TGFBI: variants seen among roughly 807,000 people sequenced by gnomAD.
The protein encoded by TGFBI is transforming growth factor-beta-induced protein ig-h3.
TGFBI carries 50 observed loss-of-function variants against 73.7 expected under a neutral mutation model. The ratio of observed to expected loss-of-function variants is 0.68; its 90% CI spans 0.54 to 0.86. The LOEUF is 0.86. TGFBI is among the 40% of genes least tolerant of loss of function. The pLI is 0.00. For synonymous variants in TGFBI, 362 were observed against 360.5 expected (o/e 1.00, Z -0.05); for missense variants, 839 against 877.0 (o/e 0.96, Z 0.55).
chr5:136,044,462 G>A (rs1268082162), intron 3 of TGFBI, among the ~76,000 whole-genome samples: 1 of 152,232 alleles, frequency 6.6e-6, no homozygotes. Flanking sequence ...ACATCCAGCA[G>A]GGTCAGCCTG....
At chr5:136,044,239 G>A (rs1040819737) in intron 3 of TGFBI, 117 bp downstream of exon 3, 4 of 869,332 alleles carry the variant, frequency 4.6e-6, no homozygotes, top group South Asian at 3.0e-5. Flanking sequence ...CAAGGACATG[G>A]CATTCTCCCC....
intron 2 of TGFBI, among the ~76,000 whole-genome samples, chr5:136,042,964 T>C (rs1751365140): frequency 6.6e-6 from 1 of 152,232 alleles, no homozygotes; most frequent in African/African-American, 2.4e-5. Flanking sequence ...GGCCTGTTTC[T>C]TTCCTGGTGA....
intron 7 of TGFBI, among the ~76,000 whole-genome samples, chr5:136,051,606 G>A (rs1751537666): frequency 6.6e-6 from 1 of 152,210 alleles, no homozygotes; most frequent in Non-Finnish European, 1.5e-5. Flanking sequence ...GGAAGGAAGA[G>A]GTCCTTGCCC....
chr5:136,031,511 G>A (rs1257312581), intron 1 of TGFBI, among the ~76,000 whole-genome samples: 1 of 152,226 alleles, frequency 6.6e-6, no homozygotes, highest in East Asian at 1.9e-4. Context: ...CCATTTTACA[G>A]GAGGTGAAAC....
At chr5:136,048,396 T>A (rs2126910270) in intron 6 of TGFBI, 1 of 152,436 alleles carries the variant, frequency 6.6e-6, no homozygotes, top group South Asian at 2.1e-4. Flanking sequence ...TTTGCCGATC[T>A]TTCCTTCTTA....
At chr5:136,051,034 G>A (rs949863989) in intron 7 of TGFBI, among the ~76,000 whole-genome samples, 6 of 152,170 alleles carry the variant, frequency 3.9e-5, no homozygotes, top group African/African-American at 1.2e-4. Flanking sequence ...GGGGAATGAG[G>A]GCGGGCATTG....
rs771371313 is a variant in TGFBI at position 136,062,673 on chromosome 5, G to A, written c.1997G>A (p.Arg666Lys). The A allele has an allele frequency of 1.3e-6, 2 of 1,567,834 alleles. No individual in the cohort carries two copies. Among genetic ancestry groups the A allele is most frequent in the East Asian group, 2.3e-5 (1 of 42,854 alleles). ...QASAFSRASQ[R>K]SVRLAPVYQK... is the part of the protein sequence containing the mutation. ...TGTGTTTTCTTTCAGGCTTCCCAGA[G>A]GTCTGTGCGACTAGGTGAGTCTGGT... Residue 666 changes from arginine to lysine, a missense_variant, in exon 16 of 17, where the codon AGG (arginine) becomes AAG (lysine). Transcript: ENST00000442011.
chr5:136,052,883 G>T (rs1165332239), intron 7 of TGFBI, 24 bp from the exon 8 acceptor site: 1 of 1,609,978 alleles, frequency 6.2e-7, no homozygotes, highest in South Asian at 1.1e-5. Flanking sequence ...ACCCTGACTT[G>T]ACCTGAGTCT....
intron 2 of TGFBI, among the ~76,000 whole-genome samples, chr5:136,043,632 A>G (rs1265671607): frequency 1.3e-5 from 2 of 152,226 alleles, no homozygotes; most frequent in Non-Finnish European, 2.9e-5. Flanking sequence ...TTGGCTGAGG[A>G]TGGCCCAGCT....
intron 6 of TGFBI, chr5:136,047,765 A>G (rs1751457556): frequency 4.2e-6 from 1 of 240,168 alleles, no homozygotes; most frequent in Admixed American, 5.0e-5. Flanking sequence ...TAAATGGCCT[A>G]TCAGGCTGTG....
chr5:136,047,613 T>C, intron 6 of TGFBI, 193 bp downstream of exon 6: 1 of 682,462 alleles, frequency 1.5e-6, no homozygotes, highest in Middle Eastern at 4.2e-4. Context: ...TGTGAAATTC[T>C]CCATCTTCTT....
intron 11 of TGFBI, 156 bp from the exon 12 acceptor site, chr5:136,056,509 T>A: frequency 1.2e-6 from 1 of 851,390 alleles, no homozygotes; most frequent in Non-Finnish European, 1.8e-6. Context: ...TCTTTGTGCA[T>A]ACGGAGGGCA....
chr5:136,053,786 C>T (rs1243544417), intron 8 of TGFBI, among the ~76,000 whole-genome samples, 157 bp from the exon 9 acceptor site: 2 of 152,212 alleles, frequency 1.3e-5, no homozygotes, highest in Admixed American at 6.5e-5. Flanking sequence ...TGACTGTTCC[C>T]CTGATGACAC....
At chr5:136,038,695 T>C (rs1211486457) in intron 2 of TGFBI, among the ~76,000 whole-genome samples, 40 of 142,812 alleles carry the variant, frequency 2.8e-4, no homozygotes, top group Non-Finnish European at 4.5e-5. Flanking sequence ...CCCTCCAGCC[T>C]GGGCAACAGA....
chr5:136,042,442 C>T (rs1337236461), intron 2 of TGFBI, among the ~76,000 whole-genome samples: 1 of 152,224 alleles, frequency 6.6e-6, no homozygotes, highest in East Asian at 1.9e-4. Context: ...GATTCTAGCA[C>T]TGTTTCTCTT....
chr5:136,041,267 T>C lies in TGFBI; in HGVS notation c.234-2791T>C, dbSNP rs180966291. Among the ~76,000 whole-genome samples, 414 of 152,332 alleles carry C rather than the reference T, an allele frequency of 2.7e-3. 1 individual carries two copies. Among genetic ancestry groups the C allele is most frequent in the African/African-American group, 9.4e-3 (390 of 41,580 alleles). On this transcript the variant is annotated intron_variant, in intron 2 of 16. Transcript: ENST00000442011. ...TTCCTGGCTGAAAGCCACACTCGGT[T>C]AACCAGGAAAAAGCCCTTGGCACGA...
chr5:136,032,157 G>T (rs962861074), intron 1 of TGFBI, among the ~76,000 whole-genome samples: 1 of 152,136 alleles, frequency 6.6e-6, no homozygotes, highest in African/African-American at 2.4e-5. Context: ...CAGAAACCAG[G>T]TATTCAGAAA....
At chr5:136,062,307 C>G (rs942003806) in intron 15 of TGFBI, among the ~76,000 whole-genome samples, 2 of 152,190 alleles carry the variant, frequency 1.3e-5, no homozygotes, top group Non-Finnish European at 2.9e-5. Context: ...CTTTTGTACA[C>G]AGGGGTCTCC....
At chr5:136,043,940 T>C (rs1751382131) in intron 2 of TGFBI, 118 bp from the exon 3 acceptor site, 1 of 783,544 alleles carries the variant, frequency 1.3e-6, no homozygotes, top group African/African-American at 1.7e-5. Context: ...AAGAGGAGAG[T>C]GTTTCACCCA....
Sources: allele counts gnomAD v4.1 joint callset (sites outside exome capture counted in the v4.1 genomes callset), GRCh38; gene constraint gnomAD v4.1.1; transcripts MANE v1.5; gene names NCBI Gene and HGNC (gene_info 2026-07-23, HGNC 2026-07-21).